OPCML: variants seen among roughly 807,000 people sequenced by gnomAD.
OPCML encodes opioid binding protein/cell adhesion molecule like.
In OPCML, 13 loss-of-function variants were observed where a neutral mutation model predicts 37.8. The ratio of observed to expected loss-of-function variants is 0.34; its 90% confidence interval spans 0.22 to 0.55. The LOEUF is 0.55. OPCML is among the 20% of genes least tolerant of loss of function. The pLI is 0.91. For synonymous variants in OPCML, 176 were observed against 168.8 expected, an observed-to-expected ratio of 1.04 and a Z score of -0.33; for missense variants, 341 against 435.6, an observed-to-expected ratio of 0.78 and a Z score of 1.93.
intron 1 of OPCML, among the ~76,000 whole-genome samples, chr11:133,341,488 A>G (rs1313981459): frequency 6.6e-6 from 1 of 152,332 alleles, no homozygotes; most frequent in East Asian, 1.9e-4. Context: ...CCCTCCACCC[A>G]TGAAGTCAAG....
intron 2 of OPCML, among the ~76,000 whole-genome samples, chr11:132,831,533 C>G (rs1411942544): frequency 6.6e-6 from 1 of 152,252 alleles, no homozygotes; most frequent in South Asian, 2.1e-4. Flanking sequence ...TCCACACTGC[C>G]ATTTTCCCTC....
At chr11:132,424,151 G>A (rs1010412828) in intron 7 of OPCML, among the ~76,000 whole-genome samples, 21 of 149,938 alleles carry the variant, frequency 1.4e-4, no homozygotes, top group Non-Finnish European at 2.5e-4. Flanking sequence ...ATGGAGTCTC[G>A]CTCTGTCGCC....
At chr11:133,513,518 GCCT>G (rs543252196) in intron 1 of OPCML, among the ~76,000 whole-genome samples, 505 of 152,336 alleles carry the variant, frequency 3.3e-3, no homozygotes, top group Non-Finnish European at 6.1e-3. Context: ...CATCTGGGAA[GCCT>G]CCTTCATGAA....
intron 1 of OPCML, among the ~76,000 whole-genome samples, chr11:133,516,154 GGCTGGCA>G (rs1177923751): frequency 6.6e-6 from 1 of 152,166 alleles, no homozygotes; most frequent in Non-Finnish European, 1.5e-5. Context: ...GGGAGAGCAA[GGCTGGCA>G]GCTGGTGGGT....
At chr11:133,031,683 C>T (rs1947676673) in intron 1 of OPCML, among the ~76,000 whole-genome samples, 1 of 151,984 alleles carries the variant, frequency 6.6e-6, no homozygotes, top group African/African-American at 2.4e-5. Context: ...AAAAAAGTGG[C>T]TATAGGTTTC....
chr11:133,446,892 A>G (rs1018268358), intron 1 of OPCML, among the ~76,000 whole-genome samples: 4 of 152,234 alleles, frequency 2.6e-5, no homozygotes, highest in African/African-American at 9.6e-5. Flanking sequence ...ATTGTTGAAT[A>G]GTACATTGCA....
intron 1 of OPCML, among the ~76,000 whole-genome samples, chr11:133,021,024 T>C (rs1252958143): frequency 6.6e-6 from 1 of 152,202 alleles, no homozygotes. Context: ...CCTGGCTCAT[T>C]CATTGATGTA....
chr11:133,490,774 G>A (rs541198156), intron 1 of OPCML, among the ~76,000 whole-genome samples: 28 of 152,090 alleles, frequency 1.8e-4, no homozygotes, highest in Admixed American at 1.8e-3. Flanking sequence ...CATCAGCAGA[G>A]AGGCTACATC....
intron 3 of OPCML, among the ~76,000 whole-genome samples, chr11:132,536,876 A>G (rs1432780250): frequency 6.6e-6 from 1 of 152,136 alleles, no homozygotes; most frequent in African/African-American, 2.4e-5. Flanking sequence ...GCTCTGTGAC[A>G]TTTTTCTAAT....
At chr11:133,194,638 C>G (rs2096821) in intron 1 of OPCML, among the ~76,000 whole-genome samples, 2,123 of 152,322 alleles carry the variant, frequency 0.014, 16 homozygotes, top group Non-Finnish European at 0.02. Context: ...ATCTCCGATA[C>G]GTCCTTCACT....
intron 1 of OPCML, among the ~76,000 whole-genome samples, chr11:133,191,108 C>T (rs1044336817): frequency 2.0e-5 from 3 of 152,062 alleles, no homozygotes; most frequent in South Asian, 2.1e-4. Flanking sequence ...TTCCTATATA[C>T]GAGGTTTCCA....
intron 1 of OPCML, among the ~76,000 whole-genome samples, chr11:133,331,645 T>G (rs1363522908): frequency 6.6e-6 from 1 of 152,216 alleles, no homozygotes; most frequent in Non-Finnish European, 1.5e-5. Context: ...TTTCTAACTC[T>G]TGACCTTTTA....
chr11:133,237,911 T>C (rs1940582251), intron 1 of OPCML, among the ~76,000 whole-genome samples: 1 of 152,214 alleles, frequency 6.6e-6, no homozygotes, highest in Non-Finnish European at 1.5e-5. Context: ...CTCATCCTAT[T>C]CATATGATAA....
At chr11:132,770,002 G>A (rs1408264133) in intron 2 of OPCML, among the ~76,000 whole-genome samples, 2 of 152,092 alleles carry the variant, frequency 1.3e-5, no homozygotes, top group African/African-American at 2.4e-5. Context: ...TGCTGAGTGC[G>A]ACTCTGGGGA....
intron 1 of OPCML, among the ~76,000 whole-genome samples, chr11:133,263,536 C>T (rs540888164): frequency 6.6e-6 from 1 of 152,242 alleles, no homozygotes; most frequent in South Asian, 2.1e-4. Flanking sequence ...TAAGTGTACT[C>T]TATGGTGTTT....
intron 3 of OPCML, among the ~76,000 whole-genome samples, chr11:132,531,904 G>A (rs1481197808): frequency 2.0e-5 from 3 of 151,946 alleles, no homozygotes; most frequent in Non-Finnish European, 2.9e-5. Flanking sequence ...GGAAGTGTTC[G>A]GCCATCTGAA....
chr11:133,190,263 A>G (rs1369165560), intron 1 of OPCML, among the ~76,000 whole-genome samples: 1 of 152,226 alleles, frequency 6.6e-6, no homozygotes, highest in Non-Finnish European at 1.5e-5. Flanking sequence ...TCCATCTTGC[A>G]AGGCAGTATG....
chr11:132,630,576 C>T (rs1007584938), intron 3 of OPCML, among the ~76,000 whole-genome samples: 5 of 151,840 alleles, frequency 3.3e-5, no homozygotes, highest in Non-Finnish European at 4.4e-5. Context: ...GAGCAGAGAG[C>T]ATATACCACT....
At chr11:133,117,499 C>G (rs1457662942) in intron 1 of OPCML, among the ~76,000 whole-genome samples, 1 of 152,136 alleles carries the variant, frequency 6.6e-6, no homozygotes, top group Non-Finnish European at 1.5e-5. Flanking sequence ...ATGCCCAATT[C>G]TCCCTCTCTT....
Sources: allele counts gnomAD v4.1 joint callset (sites outside exome capture counted in the v4.1 genomes callset), GRCh38; gene constraint gnomAD v4.1.1; transcripts MANE v1.5; gene names NCBI Gene and HGNC (gene_info 2026-07-23, HGNC 2026-07-21).